ABI2: variants seen among roughly 807,000 people sequenced by gnomAD.
ABI2 encodes abelson interactor 2.
In ABI2, 25 loss-of-function variants were observed where a neutral mutation model predicts 59.2. The observed-to-expected ratio is 0.42, with a 90% CI of 0.31 to 0.59. ABI2 has a LOEUF of 0.59. ABI2 is among the 20% of genes least tolerant of loss of function. The pLI is 0.14. For missense variants in ABI2, 545 were observed against 681.8 expected (o/e 0.80, Z 2.23); for synonymous variants, 213 against 235.5 (o/e 0.90, Z 0.87).
intron 11 of ABI2, among the ~76,000 whole-genome samples, chr2:203,423,827 ATTTAAGC>A (rs1373899504): frequency 6.6e-6 from 1 of 152,232 alleles, no homozygotes; most frequent in Non-Finnish European, 1.5e-5. Context: ...AAAGAGAATC[ATTTAAGC>A]TAAGAAGTTT....
intron 2 of ABI2, chr2:203,376,004 T>G (rs185458652): frequency 7.5e-7 from 1 of 1,330,546 alleles, no homozygotes; most frequent in Non-Finnish European, 1.0e-6. Flanking sequence ...TAGATTACCT[T>G]TATTATTATA....
intron 2 of ABI2, among the ~76,000 whole-genome samples, chr2:203,372,136 G>T (rs997729134): frequency 6.6e-6 from 1 of 151,694 alleles, no homozygotes; most frequent in Non-Finnish European, 1.5e-5. Flanking sequence ...GACTCTTAAC[G>T]AGCATGCTGC....
intron 1 of ABI2, among the ~76,000 whole-genome samples, chr2:203,331,027 ATTAAT>A (rs1234350896): frequency 6.6e-6 from 1 of 152,188 alleles, no homozygotes; most frequent in Non-Finnish European, 1.5e-5. Flanking sequence ...ATTGATTAAT[ATTAAT>A]TTAATAGAAA....
At chr2:203,384,317 T>TTTTTTTTG (rs1208806555) in intron 4 of ABI2, among the ~76,000 whole-genome samples, 4 of 126,486 alleles carry the variant, frequency 3.2e-5, no homozygotes, top group South Asian at 2.5e-4. Context: ...TTTTTTTTTT[T>TTTTTTTTG]TTTTTTTGAG....
At chr2:203,339,575 C>T (rs566836384) in intron 1 of ABI2, among the ~76,000 whole-genome samples, 20 of 140,080 alleles carry the variant, frequency 1.4e-4, no homozygotes, top group Admixed American at 7.4e-4. Context: ...AGCAAGACTC[C>T]GTCTCAAAAA....
At chr2:203,352,625 G>C (rs2089533292) in intron 1 of ABI2, among the ~76,000 whole-genome samples, 3 of 152,130 alleles carry the variant, frequency 2.0e-5, no homozygotes, top group African/African-American at 7.2e-5. Flanking sequence ...TTGTACAACT[G>C]CATAATGTAT....
chr2:203,332,274 G>A (rs1269065006), intron 1 of ABI2, among the ~76,000 whole-genome samples: 1 of 152,086 alleles, frequency 6.6e-6, no homozygotes, highest in African/African-American at 2.4e-5. Context: ...GGATTTAGTA[G>A]TTGGTAGAGA....
chr2:203,376,696 C>G (rs1290273782), intron 2 of ABI2, among the ~76,000 whole-genome samples: 1 of 134,046 alleles, frequency 7.5e-6, no homozygotes, highest in East Asian at 2.2e-4. Flanking sequence ...TTATTTTAGG[C>G]TTATTGTTAT....
At chr2:203,353,167 C>A (rs1168606183) in intron 1 of ABI2, among the ~76,000 whole-genome samples, 1 of 152,012 alleles carries the variant, frequency 6.6e-6, no homozygotes, top group African/African-American at 2.4e-5. Context: ...ATATTTTATT[C>A]TTTTTCTGTT....
intron 2 of ABI2, among the ~76,000 whole-genome samples, chr2:203,374,406 A>G (rs2095534648): frequency 6.8e-6 from 1 of 147,560 alleles, no homozygotes; most frequent in Non-Finnish European, 1.5e-5. Flanking sequence ...AGGCTGAGGT[A>G]GGAGAATTGC....
chr2:203,344,896 T>G (rs2082254026), intron 1 of ABI2, among the ~76,000 whole-genome samples: 1 of 152,116 alleles, frequency 6.6e-6, no homozygotes, highest in Non-Finnish European at 1.5e-5. Flanking sequence ...CAATAAGCAC[T>G]CTGTAAAAAC....
intron 2 of ABI2, among the ~76,000 whole-genome samples, chr2:203,373,085 T>C (rs2153090037): frequency 6.6e-6 from 1 of 152,208 alleles, no homozygotes; most frequent in South Asian, 2.1e-4. Flanking sequence ...GGCTGCAATC[T>C]CGGCACTTTG....
chr2:203,346,149 C>CAAA (rs1051436115), intron 1 of ABI2, among the ~76,000 whole-genome samples: 1 of 137,250 alleles, frequency 7.3e-6, no homozygotes, highest in African/African-American at 2.7e-5. Flanking sequence ...AACTCCATCT[C>CAAA]AAAAAAAAAA....
Position 203,373,827 on chromosome 2 carries a change from G to T in ABI2, c.286-6381G>T, listed in dbSNP as rs530895772. On this transcript the variant is annotated intron_variant, in intron 2 of 11. Coordinates refer to ENST00000261018, the MANE Select transcript of ABI2 (RefSeq NM_001375670.1). ...CAAGAGCTAGGTATTGAAAGGCAGT[G>T]GCCTTAAGAACTCAACAAGTAGGGT... 1.7e-4 allele frequency among the ~76,000 whole-genome samples: 26 copies of T among 152,284 alleles called. No individual in the cohort carries two copies. The East Asian group carries it at 5.0e-3, about 29-fold the overall frequency.
intron 1 of ABI2, among the ~76,000 whole-genome samples, chr2:203,355,829 C>CAAA (rs771519788): frequency 0.021 from 1,421 of 68,374 alleles, 51 homozygotes; most frequent in African/African-American, 0.079. Flanking sequence ...AAAACTGTCT[C>CAAA]AAAAAAAAAA....
At chr2:203,337,022 A>G (rs927473013) in intron 1 of ABI2, among the ~76,000 whole-genome samples, 1 of 152,218 alleles carries the variant, frequency 6.6e-6, no homozygotes, top group Non-Finnish European at 1.5e-5. Flanking sequence ...TGACAAGCCT[A>G]CAACTAACAT....
intron 11 of ABI2, 142 bp downstream of exon 11, chr2:203,417,223 T>C (rs1246801841): frequency 6.7e-6 from 5 of 750,752 alleles, no homozygotes; most frequent in African/African-American, 1.8e-5. Flanking sequence ...GTTTACAAGG[T>C]TCATGATTTT....
At chr2:203,330,816 C>T (rs1424576180) in intron 1 of ABI2, among the ~76,000 whole-genome samples, 3 of 152,118 alleles carry the variant, frequency 2.0e-5, no homozygotes, top group Admixed American at 6.5e-5. Context: ...ACAAGTTCCT[C>T]TTAAGTTATA....
At position 203,427,301 on chromosome 2, in the gene ABI2, T is replaced by C; in HGVS notation, c.1578T>C (p.Thr526=). The C allele has an allele frequency of 1.2e-6, 2 of 1,614,070 alleles. No individual in the cohort carries two copies. Among genetic ancestry groups the C allele is most frequent in the Middle Eastern group, 1.6e-4 (1 of 6,062 alleles). ...ATGAGGGAGTTATGAATGGAGTGAC[T>C]GGGCTTTTTCCTGGGAATTACGTTG... is the stretch of plus-strand genomic sequence containing the variant. ...GWYEGVMNGV[T]GLFPGNYVES... Residue 526 remains threonine, a synonymous_variant, in exon 12 of 12, where the codon ACT becomes ACC. Transcript: ENST00000261018.
Sources: gnomAD v4.1 joint callset for allele counts (sites outside exome capture counted in the v4.1 genomes callset) on GRCh38, gnomAD v4.1.1 for gene constraint, MANE v1.5 for transcripts, NCBI Gene and HGNC (gene_info 2026-07-23, HGNC 2026-07-21) for gene names.